ARHGAP6: variants seen among roughly 807,000 people sequenced by gnomAD.
The protein encoded by ARHGAP6 is rho GTPase-activating protein 6.
In ARHGAP6, 16 loss-of-function variants were observed where a neutral mutation model predicts 55.7. The ratio of observed to expected loss-of-function variants is 0.29; its 90% confidence interval spans 0.19 to 0.44. The LOEUF (loss-of-function observed/expected upper bound fraction) is 0.44, where lower values mean the gene tolerates loss of function less well. Ranked by LOEUF, ARHGAP6 falls within the 20% of genes least tolerant of loss-of-function variation. The pLI is 1.00. For missense variants in ARHGAP6, 698 were observed against 808.9 expected, an observed-to-expected ratio of 0.86 and a Z score of 1.66; for synonymous variants, 382 against 360.9, an observed-to-expected ratio of 1.06 and a Z score of -0.66.
intron 1 of ARHGAP6, among the ~76,000 whole-genome samples, chrX:11,308,095 T>C (rs1418959935): frequency 2.7e-5 from 3 of 112,463 alleles, no homozygotes; most frequent in Non-Finnish European, 5.6e-5. Flanking sequence ...AATGAATTGA[T>C]GTGGCCTGAT....
intron 1 of ARHGAP6, chrX:11,265,556 TCA>T: frequency 2.5e-6 from 1 of 397,171 alleles, no homozygotes; most frequent in Non-Finnish European, 3.3e-6. Context: ...TTTTTAGCTG[TCA>T]CACATCTCAG....
At chrX:11,196,573 C>T (rs769900046) in intron 3 of ARHGAP6, among the ~76,000 whole-genome samples, 12 of 111,731 alleles carry the variant, frequency 1.1e-4, no homozygotes, top group African/African-American at 3.9e-4. Context: ...TCTCATTAAA[C>T]TAACCCTGCC....
At chrX:11,357,888 A>G (rs774786582) in intron 1 of ARHGAP6, among the ~76,000 whole-genome samples, 2 of 111,901 alleles carry the variant, frequency 1.8e-5, no homozygotes, top group African/African-American at 6.5e-5. Context: ...TTTAAAATTG[A>G]GATATAATTC....
At chrX:11,598,217 C>T (rs1369614254) in intron 1 of ARHGAP6, among the ~76,000 whole-genome samples, 1 of 111,797 alleles carries the variant, frequency 8.9e-6, no homozygotes, top group Admixed American at 9.5e-5. Flanking sequence ...ACCTGGTGCC[C>T]TTCACAGGGA....
chrX:11,395,790 T>C (rs2049469949), intron 1 of ARHGAP6, among the ~76,000 whole-genome samples: 1 of 112,363 alleles, frequency 8.9e-6, no homozygotes, highest in Non-Finnish European at 1.9e-5. Flanking sequence ...CAAAATCATC[T>C]TGGATAATCA....
At chrX:11,393,325 T>A (rs920175966) in intron 1 of ARHGAP6, among the ~76,000 whole-genome samples, 3 of 110,452 alleles carry the variant, frequency 2.7e-5, no homozygotes, top group African/African-American at 9.8e-5. Flanking sequence ...CTCCTATAGT[T>A]CCTCCCCCTG....
chrX:11,313,683 GTCTC>G (rs917637965), intron 1 of ARHGAP6, among the ~76,000 whole-genome samples: 11 of 112,334 alleles, frequency 9.8e-5, no homozygotes, highest in Non-Finnish European at 1.9e-4. Context: ...TCTATTGGCT[GTCTC>G]TCTTACTGGG....
chrX:11,263,435 A>G (rs757700430), intron 1 of ARHGAP6, among the ~76,000 whole-genome samples: 3 of 111,689 alleles, frequency 2.7e-5, no homozygotes, highest in Non-Finnish European at 5.6e-5. Flanking sequence ...TTTTATGGTG[A>G]TACAAGAAGG....
At chrX:11,468,645 T>C (rs2050319055) in intron 1 of ARHGAP6, among the ~76,000 whole-genome samples, 1 of 112,856 alleles carries the variant, frequency 8.9e-6, no homozygotes, top group Admixed American at 9.4e-5. Flanking sequence ...CAGAAGTACT[T>C]AAAATATCTG....
At chrX:11,318,408 C>A (rs970051302) in intron 1 of ARHGAP6, among the ~76,000 whole-genome samples, 22 of 111,523 alleles carry the variant, frequency 2.0e-4, no homozygotes, top group African/African-American at 6.8e-4. Flanking sequence ...AAATTAAAAT[C>A]ATCCATAATC....
chrX:11,260,135 G>T (rs755564360), intron 1 of ARHGAP6, among the ~76,000 whole-genome samples: 2 of 110,990 alleles, frequency 1.8e-5, no homozygotes, highest in Non-Finnish European at 3.8e-5. Flanking sequence ...ATGGAAAAAG[G>T]AGCCACAAGA....
At chrX:11,512,377 C>G (rs886318493) in intron 1 of ARHGAP6, among the ~76,000 whole-genome samples, 1 of 111,611 alleles carries the variant, frequency 9.0e-6, no homozygotes, top group African/African-American at 3.3e-5. Context: ...TTAGTGTTCT[C>G]TCTTTCCACA....
At chrX:11,414,790 C>T (rs1034754811) in intron 1 of ARHGAP6, among the ~76,000 whole-genome samples, 4 of 111,763 alleles carry the variant, frequency 3.6e-5, no homozygotes, top group Admixed American at 1.9e-4. Context: ...ATTCATAAAT[C>T]ACCTCATCCT....
chrX:11,590,017 C>A (rs761482766), intron 1 of ARHGAP6, among the ~76,000 whole-genome samples: 1 of 111,460 alleles, frequency 9.0e-6, no homozygotes, highest in African/African-American at 3.3e-5. Context: ...ACACAGAGAA[C>A]TTGAGACAGA....
chrX:11,371,972 C>T (rs1019192059), intron 1 of ARHGAP6, among the ~76,000 whole-genome samples: 13 of 111,824 alleles, frequency 1.2e-4, no homozygotes, highest in Non-Finnish European at 5.7e-5. Flanking sequence ...AATCTAGAAC[C>T]CAAATGAAAA....
intron 1 of ARHGAP6, among the ~76,000 whole-genome samples, chrX:11,275,962 A>T (rs1177658680): frequency 9.9e-5 from 11 of 111,557 alleles, no homozygotes. Context: ...AAACACAAAC[A>T]AGTTTACTAT....
rs370936278 is a variant in ARHGAP6, at chrX:11,160,601, T to G, written c.1810-3975A>C. Reference sequence around the variant, plus strand: ...GAGTATGTAGTATGTCTAAGATAAATTATCAACTTGGATGCATTATTAGAA... The same window carrying G: ...GAGTATGTAGTATGTCTAAGATAAAGTATCAACTTGGATGCATTATTAGAA... On this transcript the variant is annotated intron_variant, in intron 9 of 12. Coordinates refer to ENST00000337414, the MANE Select transcript of ARHGAP6 (RefSeq NM_013427.3). Among the ~76,000 whole-genome samples, 4 of 112,046 alleles carry G rather than the reference T, an allele frequency of 3.6e-5. No individual in the cohort carries two copies. The East Asian group carries it at 1.1e-3, about 31-fold the overall frequency.
chrX:11,474,577 A>G (rs143299224), intron 1 of ARHGAP6, among the ~76,000 whole-genome samples: 1,157 of 112,216 alleles, frequency 0.01, 4 homozygotes, highest in Non-Finnish European at 0.017. Flanking sequence ...AATCAAAGGG[A>G]CAAATTAAAA....
intron 1 of ARHGAP6, among the ~76,000 whole-genome samples, chrX:11,632,403 G>T (rs1270812653): frequency 8.9e-6 from 1 of 112,078 alleles, no homozygotes; most frequent in African/African-American, 3.2e-5. Flanking sequence ...AGCCTTTGGG[G>T]TTACCATTTA....
Sources: allele counts gnomAD v4.1 joint callset (sites outside exome capture counted in the v4.1 genomes callset), GRCh38; gene constraint gnomAD v4.1.1; transcripts MANE v1.5; gene names NCBI Gene and HGNC (gene_info 2026-07-23, HGNC 2026-07-21).